CLASP1: variants seen among roughly 807,000 people sequenced by gnomAD.
CLASP1 encodes CLIP-associating protein 1.
A neutral mutation model predicts 192.3 loss-of-function variants in CLASP1; 38 were observed. The observed-to-expected ratio is 0.20, with a 90% confidence interval of 0.15 to 0.26. The LOEUF is 0.26. CLASP1 is among the 10% of genes least tolerant of loss of function. CLASP1 has a pLI of 1.00. For missense variants in CLASP1, 1,433 were observed against 1,932.5 expected (o/e 0.74, Z 4.85); for synonymous variants, 691 against 712.8 (o/e 0.97, Z 0.49).
intron 19 of CLASP1, among the ~76,000 whole-genome samples, chr2:121,433,495 C>T (rs974336435): frequency 6.6e-6 from 1 of 152,150 alleles, no homozygotes; most frequent in African/African-American, 2.4e-5. Context: ...CGGCTCACGC[C>T]TGTAACCCCA....
chr2:121,493,684 A>G (rs1216343620), intron 8 of CLASP1, among the ~76,000 whole-genome samples: 2 of 152,210 alleles, frequency 1.3e-5, no homozygotes, highest in African/African-American at 4.8e-5. Context: ...AATATTTGCA[A>G]ACTACCCATC....
At chr2:121,419,165 A>C (rs201843553) in intron 22 of CLASP1, among the ~76,000 whole-genome samples, 2 of 152,222 alleles carry the variant, frequency 1.3e-5, no homozygotes, top group Non-Finnish European at 1.5e-5. Flanking sequence ...AATTTGGATT[A>C]ACAAACAGAA....
intron 9 of CLASP1, among the ~76,000 whole-genome samples, chr2:121,467,315 G>GTATATGCCCAATAAA (rs1232359734): frequency 2.0e-5 from 3 of 152,228 alleles, no homozygotes; most frequent in Non-Finnish European, 2.9e-5. Flanking sequence ...ATTCCTTTGG[G>GTATATGCCCAATAAA]TATATGCCCA....
chr2:121,587,754 C>A (rs1380409160), intron 2 of CLASP1, among the ~76,000 whole-genome samples: 1 of 151,748 alleles, frequency 6.6e-6, no homozygotes, highest in Non-Finnish European at 1.5e-5. Flanking sequence ...TCGCTTGAAC[C>A]CGGGAGGCGG....
chr2:121,489,050 T>A (rs17775711), intron 8 of CLASP1, among the ~76,000 whole-genome samples: 5,998 of 152,262 alleles, frequency 0.039, 168 homozygotes, highest in Non-Finnish European at 0.056. Flanking sequence ...AATGAAAATA[T>A]CACAACTTAA....
chr2:121,379,781 A>T (rs2071201207), intron 33 of CLASP1, among the ~76,000 whole-genome samples: 2 of 152,218 alleles, frequency 1.3e-5, no homozygotes, highest in South Asian at 4.2e-4. Context: ...CAGATAATTC[A>T]TCTCATTATT....
chr2:121,526,792 T>A (rs923908264), intron 5 of CLASP1, among the ~76,000 whole-genome samples: 5 of 152,214 alleles, frequency 3.3e-5, no homozygotes, highest in African/African-American at 1.2e-4. Context: ...CGTACATTTT[T>A]ATGATATATA....
chr2:121,367,349 CG>C lies in CLASP1; in HGVS notation c.3886+238del, dbSNP rs1307554177. On this transcript the variant is annotated intron_variant, in intron 35 of 39. Transcript: ENST00000263710. Reference sequence around the variant, plus strand: ...CTGTGGCAGTGGCTACTTCATATCACGTGTGACTGTTTATTTCCTCACTGCC... The same window carrying C: ...CTGTGGCAGTGGCTACTTCATATCACTGTGACTGTTTATTTCCTCACTGCC... Among the ~76,000 whole-genome samples the C allele has an allele frequency of 3.3e-5, 5 of 152,314 alleles. No homozygotes were observed. In the East Asian group the frequency reaches 9.6e-4, roughly 29 times the overall value.
intron 7 of CLASP1, chr2:121,512,884 T>A (rs1394403763): frequency 6.6e-6 from 1 of 152,114 alleles, no homozygotes; most frequent in Non-Finnish European, 1.5e-5. Context: ...AAGACATTTT[T>A]AATTTAGAAC....
In CLASP1 at chr2:121,581,871, C is replaced by T. The variant is rs145565340; in HGVS notation, c.195+23830G>A. Among the ~76,000 whole-genome samples, 45 of 150,580 alleles carry T rather than the reference C, an allele frequency of 3.0e-4. 1 individual carries two copies. The highest frequency in any genetic ancestry group is 1.1e-3 in the African/African-American group (44 of 40,894). ...CTGCACTCCCAACTGGACGACAAAG[C>T]GAGATACTGTCTCAAAAAAGAAAAG... On this transcript the variant is annotated intron_variant, in intron 2 of 39. Transcript: ENST00000263710.
intron 33 of CLASP1, among the ~76,000 whole-genome samples, chr2:121,381,614 G>A (rs947159782): frequency 2.0e-5 from 3 of 152,164 alleles, no homozygotes; most frequent in Non-Finnish European, 2.9e-5. Flanking sequence ...GTGGGGGTGC[G>A]TGAAGGGACT....
At chr2:121,539,604 A>G (rs1282223866) in intron 2 of CLASP1, among the ~76,000 whole-genome samples, 1 of 152,258 alleles carries the variant, frequency 6.6e-6, no homozygotes, top group African/African-American at 2.4e-5. Flanking sequence ...CAATAAACAC[A>G]AACCATAAAG....
intron 22 of CLASP1, among the ~76,000 whole-genome samples, chr2:121,423,852 C>G (rs2079949839): frequency 6.6e-6 from 1 of 152,194 alleles, no homozygotes; most frequent in South Asian, 2.1e-4. Context: ...CAAATCTTAT[C>G]CATTCTTAAA....
At chr2:121,409,908 G>A (rs550360426) in intron 24 of CLASP1, among the ~76,000 whole-genome samples, 211 of 152,306 alleles carry the variant, frequency 1.4e-3, no homozygotes, top group Non-Finnish European at 2.3e-3. Flanking sequence ...GATTAGGAGA[G>A]CAGCAAACTG....
At chr2:121,423,448 C>T (rs1023495315) in intron 22 of CLASP1, among the ~76,000 whole-genome samples, 2 of 151,734 alleles carry the variant, frequency 1.3e-5, no homozygotes, top group Non-Finnish European at 2.9e-5. Flanking sequence ...GGGTTATTTC[C>T]CAATTTCAAG....
Position 121,512,099 on chromosome 2 carries a change from T to C in CLASP1, c.644+3566A>G, listed in dbSNP as rs192670449. Among the ~76,000 whole-genome samples, 21 of 152,330 alleles carry C rather than the reference T, an allele frequency of 1.4e-4. 1 individual carries two copies. Among genetic ancestry groups the C allele is most frequent in the Admixed American group, 1.3e-3 (20 of 15,298 alleles). Reference sequence around the variant, plus strand: ...GTAGTTCCCAATGTAAGTTACCAAATAGTTATAATGAATCAAGTGACCTAT... The same window carrying C: ...GTAGTTCCCAATGTAAGTTACCAAACAGTTATAATGAATCAAGTGACCTAT... On this transcript the variant is annotated intron_variant, in intron 7 of 39. Coordinates refer to ENST00000263710, the Ensembl canonical transcript of CLASP1.
At chr2:121,541,088 A>C (rs1037747686) in intron 2 of CLASP1, among the ~76,000 whole-genome samples, 6 of 152,216 alleles carry the variant, frequency 3.9e-5, no homozygotes, top group African/African-American at 1.4e-4. Context: ...TAGACCTATA[A>C]GTTTATAACA....
chr2:121,386,165 A>T (rs2073146518), intron 32 of CLASP1, among the ~76,000 whole-genome samples: 1 of 152,258 alleles, frequency 6.6e-6, no homozygotes, highest in African/African-American at 2.4e-5. Flanking sequence ...GATCATTTAA[A>T]AAACTAAATG....
At chr2:121,397,032 T>G in intron 30 of CLASP1, 108 bp downstream of exon 31, 4 of 1,008,642 alleles carry the variant, frequency 4.0e-6, no homozygotes, top group Non-Finnish European at 3.1e-6. Flanking sequence ...AGAGCCTTAG[T>G]GATATAGGTT....
Sources: allele counts gnomAD v4.1 joint callset (sites outside exome capture counted in the v4.1 genomes callset), GRCh38; gene constraint gnomAD v4.1.1; transcripts MANE v1.5; gene names NCBI Gene and HGNC (gene_info 2026-07-23, HGNC 2026-07-21).